The following RGS9 variants were observed in gnomAD, a reference collection of about 807,000 sequenced individuals.
The protein encoded by RGS9 is regulator of G-protein signalling 9.
A neutral mutation model predicts 102.0 loss-of-function variants in RGS9; 78 were observed. The ratio of observed to expected loss-of-function variants is 0.76; its 90% CI spans 0.64 to 0.92. The LOEUF is 0.92. Ranked by LOEUF, RGS9 falls within the 40% of genes least tolerant of loss-of-function variation. The pLI is 0.00. For synonymous variants in RGS9, 353 were observed against 318.6 expected, an observed-to-expected ratio of 1.11 and a Z score of -1.15; for missense variants, 833 against 866.1, an observed-to-expected ratio of 0.96 and a Z score of 0.48.
At chr17:65,150,392 C>G (rs768002498) in intron 1 of RGS9, among the ~76,000 whole-genome samples, 3 of 152,090 alleles carry the variant, frequency 2.0e-5, no homozygotes, top group Non-Finnish European at 4.4e-5. Context: ...GAGGCTGAAG[C>G]GGGTGGATCA....
chr17:65,186,862 AG>A (rs1282037894), intron 9 of RGS9, among the ~76,000 whole-genome samples: 1 of 152,238 alleles, frequency 6.6e-6, no homozygotes, highest in African/African-American at 2.4e-5. Flanking sequence ...ATTATGTAAA[AG>A]TACAGCTCCC....
chr17:65,202,864 T>C (rs963011050), intron 14 of RGS9, among the ~76,000 whole-genome samples: 3 of 152,202 alleles, frequency 2.0e-5, no homozygotes, highest in Admixed American at 6.5e-5. Flanking sequence ...TGTCCTGCTG[T>C]GGTCCCATCT....
intron 9 of RGS9, chr17:65,188,622 T>C (rs1424578363): frequency 6.5e-6 from 1 of 152,676 alleles, no homozygotes; most frequent in African/African-American, 2.4e-5. Context: ...TCTCTCTTTT[T>C]TCTTTTTTGA....
At position 65,153,438 on chromosome 17, in the gene RGS9, A is replaced by T; in HGVS notation, c.74A>T (p.Lys25Met). The T allele has an allele frequency of 6.2e-7, 1 of 1,614,150 alleles. No individual in the cohort carries two copies. The highest frequency in any genetic ancestry group is 1.7e-5 in the Admixed American group (1 of 60,022). The change falls in exon 2 of 19, where the codon AAG (lysine) becomes ATG (methionine). Residue 25 changes from lysine (K) to methionine (M), a missense_variant. Lys to Met is a moderately conservative substitution (Grantham distance 95). Around this residue, in one of 3 missense-constraint regions of RGS9, gnomAD observed 328 missense variants for 340.6 expected, o/e 0.96. Transcript: ENST00000262406. ...AFLQKIEALV[K>M]DMQNPETGVR... ...GTCTTGCAGATTGAAGCGCTCGTGA[A>T]GGACATGCAGAACCCAGAGACAGGG... is the stretch of plus-strand genomic sequence containing the variant.
intron 8 of RGS9, among the ~76,000 whole-genome samples, chr17:65,175,361 C>T (rs1911586697): frequency 6.6e-6 from 1 of 152,040 alleles, no homozygotes; most frequent in Non-Finnish European, 1.5e-5. Context: ...TTTCTCCATA[C>T]CAGATTCAGG....
intron 8 of RGS9, among the ~76,000 whole-genome samples, chr17:65,174,187 T>C (rs970065594): frequency 6.6e-6 from 1 of 152,218 alleles, no homozygotes; most frequent in Admixed American, 6.5e-5. Flanking sequence ...TGCAGTGCAC[T>C]GTTGAGCACT....
chr17:65,162,621 C>T (rs1911027576), intron 6 of RGS9, among the ~76,000 whole-genome samples: 1 of 150,522 alleles, frequency 6.6e-6, no homozygotes, highest in Admixed American at 6.8e-5. Context: ...CGCCACCACG[C>T]CTGGCTAATT....
rs148106568 is a variant in RGS9 at position 65,163,885 on chromosome 17, C to A, written c.500+796C>A. 2.6e-5 allele frequency among the ~76,000 whole-genome samples: 4 copies of A among 152,210 alleles called. No individual in the cohort carries two copies. In the East Asian group the frequency reaches 5.8e-4, roughly 22 times the overall value. On this transcript the variant is annotated intron_variant, in intron 7 of 18. Coordinates refer to ENST00000262406, the MANE Select transcript of RGS9 (RefSeq NM_003835.4). ...ACTAGAGATGTTAGCAAGAGTGGAT[C>A]GTGAGAGGGCTTTGTGGTGAGGGCC...
At chr17:65,202,771 G>C (rs1330374955) in intron 14 of RGS9, among the ~76,000 whole-genome samples, 1 of 152,100 alleles carries the variant, frequency 6.6e-6, no homozygotes, top group Admixed American at 6.5e-5. Flanking sequence ...GGGAGGGGAA[G>C]GTGTGATGAG....
intron 1 of RGS9, among the ~76,000 whole-genome samples, chr17:65,140,022 C>G (rs1238750170): frequency 1.3e-5 from 2 of 152,154 alleles, no homozygotes; most frequent in Non-Finnish European, 2.9e-5. Flanking sequence ...ACACGGTGTC[C>G]ATGATGGTGT....
chr17:65,155,022 T>G (rs1371363005), intron 2 of RGS9, among the ~76,000 whole-genome samples: 2 of 152,190 alleles, frequency 1.3e-5, no homozygotes, highest in Non-Finnish European at 2.9e-5. Flanking sequence ...TTTCCTTGCA[T>G]GCAAGCAACA....
intron 16 of RGS9, among the ~76,000 whole-genome samples, chr17:65,209,834 T>C (rs550028239): frequency 1.6e-3 from 245 of 152,260 alleles, no homozygotes; most frequent in Non-Finnish European, 2.8e-3. Context: ...TCCCAGCACT[T>C]TGGGAGGCTG....
chr17:65,177,919 A>G, intron 9 of RGS9, 116 bp downstream of exon 9: 1 of 848,656 alleles, frequency 1.2e-6, no homozygotes, highest in Non-Finnish European at 2.0e-6. Context: ...TGAGACTATC[A>G]AAGAGAGGAG....
At chr17:65,147,842 T>A (rs1910429611) in intron 1 of RGS9, among the ~76,000 whole-genome samples, 1 of 152,022 alleles carries the variant, frequency 6.6e-6, no homozygotes, top group African/African-American at 2.4e-5. Context: ...CTGTCTGCCT[T>A]ACCCTCCCAA....
intron 9 of RGS9, among the ~76,000 whole-genome samples, chr17:65,181,074 G>A (rs548789147): frequency 6.6e-6 from 1 of 152,314 alleles, no homozygotes; most frequent in South Asian, 2.1e-4. Context: ...TTGATCCCAT[G>A]TCTTTGCTAT....
At chr17:65,163,164 ATTTTATT>A (rs1911052175) in intron 7 of RGS9, 75 bp downstream of exon 7, 3 of 704,324 alleles carry the variant, frequency 4.3e-6, no homozygotes, top group Non-Finnish European at 6.7e-6. Context: ...CTTTTTATTT[ATTTTATT>A]TTTTATTTTT....
chr17:65,224,281 G>A (rs994428315), intron 17 of RGS9, among the ~76,000 whole-genome samples: 1 of 152,172 alleles, frequency 6.6e-6, no homozygotes, highest in Admixed American at 6.5e-5. Flanking sequence ...CTGGGGCCAT[G>A]GTGGCCCAGG....
intron 8 of RGS9, among the ~76,000 whole-genome samples, chr17:65,175,388 C>T (rs1413747667): frequency 6.6e-6 from 1 of 152,072 alleles, no homozygotes; most frequent in African/African-American, 2.4e-5. Context: ...CTCCTAGAAC[C>T]CTTTTTGGCA....
intron 9 of RGS9, among the ~76,000 whole-genome samples, chr17:65,187,839 T>C (rs1191866590): frequency 3.3e-5 from 5 of 152,066 alleles, no homozygotes; most frequent in Admixed American, 6.6e-5. Flanking sequence ...CTACTAAAAA[T>C]ACAAAAATTA....
Sources: allele counts gnomAD v4.1 joint callset (sites outside exome capture counted in the v4.1 genomes callset), GRCh38; gene constraint gnomAD v4.1.1; regional missense constraint gnomAD v4.1.1; transcripts MANE v1.5; gene names NCBI Gene and HGNC (gene_info 2026-07-23, HGNC 2026-07-21).